The following GLRA3 variants were observed in gnomAD, a reference collection of about 807,000 sequenced individuals.
GLRA3 encodes the protein glycine receptor subunit alpha-3.
GLRA3 carries 44 observed loss-of-function variants against 60.4 expected under a neutral mutation model. That is an observed-to-expected ratio of 0.73 (90% confidence interval 0.57 to 0.94). GLRA3 has a LOEUF of 0.94. GLRA3 is among the 40% of genes least tolerant of loss of function. The pLI, the probability that GLRA3 is intolerant of heterozygous loss-of-function variation, is 0.00. For synonymous variants in GLRA3, 223 were observed against 192.9 expected, an observed-to-expected ratio of 1.16 and a Z score of -1.29; for missense variants, 508 against 564.6, an observed-to-expected ratio of 0.90 and a Z score of 1.02.
intron 5 of GLRA3, among the ~76,000 whole-genome samples, chr4:174,711,554 C>T (rs1735720771): frequency 6.6e-6 from 1 of 151,854 alleles, no homozygotes; most frequent in African/African-American, 2.4e-5. Flanking sequence ...ATTCTCCAGC[C>T]TCAGCCACCC....
At chr4:174,689,273 T>C (rs1218322461) in intron 5 of GLRA3, among the ~76,000 whole-genome samples, 1 of 152,226 alleles carries the variant, frequency 6.6e-6, no homozygotes, top group East Asian at 1.9e-4. Flanking sequence ...TAAGTATGTA[T>C]ACACATCTAA....
At position 174,716,003 on chromosome 4, in the gene GLRA3, C is replaced by T. The variant is rs185161774; in HGVS notation, c.492-433G>A. On this transcript the variant is annotated intron_variant, in intron 4 of 9. Coordinates refer to ENST00000274093, the MANE Select transcript of GLRA3 (RefSeq NM_006529.4). ...TGGATCCTATAAAATTAATGCCAAA[C>T]GTCAAAAGGTATCTTTCCTTGCAAA... is the stretch of plus-strand genomic sequence containing the variant. 7.2e-5 allele frequency among the ~76,000 whole-genome samples: 11 copies of T among 152,180 alleles called. No homozygotes were observed. In the South Asian group the frequency reaches 8.3e-4, roughly 11 times the overall value.
rs543752322 is a variant in GLRA3, at chr4:174,785,034, G to T, written c.199+3782C>A. Reference sequence around the variant, plus strand: ...TTGATTTAAATAATGTTCGATGGAAGAGGCTGTCTTATCCATGGTCAATAC... The same window carrying T: ...TTGATTTAAATAATGTTCGATGGAATAGGCTGTCTTATCCATGGTCAATAC... On this transcript the variant is annotated intron_variant, in intron 2 of 9. Transcript: ENST00000274093. Among the ~76,000 whole-genome samples, 3 of 152,254 alleles carry T rather than the reference G, an allele frequency of 2.0e-5. No individual in the cohort carries two copies. The East Asian group carries it at 5.8e-4, about 29-fold the overall frequency.
rs572803518 is a variant in GLRA3 at position 174,719,591 on chromosome 4, A to C, written c.492-4021T>G. Among the ~76,000 whole-genome samples the C allele has an allele frequency of 1.5e-3, 236 of 152,304 alleles. 1 individual carries two copies. Among genetic ancestry groups the C allele is most frequent in the African/African-American group, 5.5e-3 (227 of 41,570 alleles). On this transcript the variant is annotated intron_variant, in intron 4 of 9. Transcript: ENST00000274093. ...TTGAATGATTTGGTATATGATTATG[A>C]ATGATTTTCTAAGGGGTAAATCACT...
At chr4:174,751,053 G>C (rs572114486) in intron 3 of GLRA3, among the ~76,000 whole-genome samples, 135 of 96,490 alleles carry the variant, frequency 1.4e-3, no homozygotes, top group African/African-American at 4.7e-3. Context: ...AGAGAAGCCT[G>C]TCTGTCTGTC....
At chr4:174,725,197 G>A (rs1426027320) in intron 4 of GLRA3, among the ~76,000 whole-genome samples, 1 of 152,132 alleles carries the variant, frequency 6.6e-6, no homozygotes, top group African/African-American at 2.4e-5. Context: ...AGGCCCCACG[G>A]CCAATCTATT....
At position 174,740,931 on chromosome 4, in the gene GLRA3, C is replaced by T. The variant is rs1303749134; in HGVS notation, c.268-12233G>A. Among the ~76,000 whole-genome samples the T allele has an allele frequency of 2.0e-5, 3 of 152,156 alleles. No homozygotes were observed. In the East Asian group the frequency reaches 5.8e-4, roughly 29 times the overall value. On this transcript the variant is annotated intron_variant, in intron 3 of 9. Coordinates refer to ENST00000274093, the MANE Select transcript of GLRA3 (RefSeq NM_006529.4). ...TGTATCAGTTTATTCCTCCTAATTG[C>T]TGAGTTGCATTCAATTGTACGGGCG...
chr4:174,696,070 A>G (rs1474504771), intron 5 of GLRA3, among the ~76,000 whole-genome samples: 1 of 152,112 alleles, frequency 6.6e-6, no homozygotes, highest in Non-Finnish European at 1.5e-5. Flanking sequence ...GACAATTACA[A>G]AACACTCCTT....
Position 174,721,048 on chromosome 4 carries a change from A to G in GLRA3, c.492-5478T>C, listed in dbSNP as rs1043904044. Among the ~76,000 whole-genome samples the G allele has an allele frequency of 4.5e-5, 6 of 133,066 alleles. No homozygotes were observed. The Admixed American group carries it at 4.6e-4, about 10-fold the overall frequency. The allele number at this position is 133,066 out of a possible 152,430, so 87.3% of individuals were successfully genotyped here. A position where few individuals can be genotyped will look rare whatever the true frequency, so the allele number is the denominator to read the frequency against. ...GTGTGTGTGTGTGTGTGTGTTTTTG[A>G]GATGGAGTCTTGCTCTGTCATCAGG... On this transcript the variant is annotated intron_variant, in intron 4 of 9. Transcript: ENST00000274093.
chr4:174,710,598 C>T (rs1407932552), intron 5 of GLRA3, among the ~76,000 whole-genome samples: 1 of 152,074 alleles, frequency 6.6e-6, no homozygotes, highest in Non-Finnish European at 1.5e-5. Context: ...AAAGTTAGCT[C>T]TTTACGCGGA....
chr4:174,701,382 T>A (rs1444635325), intron 5 of GLRA3, among the ~76,000 whole-genome samples: 1 of 152,152 alleles, frequency 6.6e-6, no homozygotes, highest in African/African-American at 2.4e-5. Flanking sequence ...AATAAAAGAT[T>A]CCTTTCAAAA....
chr4:174,766,827 T>C, intron 3 of GLRA3, 136 bp downstream of exon 3: 1 of 530,620 alleles, frequency 1.9e-6, no homozygotes, highest in African/African-American at 1.9e-5. Flanking sequence ...CAGGTGACTG[T>C]AATTTAATTA....
At chr4:174,667,974 C>T (rs774270026) in intron 7 of GLRA3, among the ~76,000 whole-genome samples, 2 of 152,038 alleles carry the variant, frequency 1.3e-5, no homozygotes, top group Non-Finnish European at 2.9e-5. Context: ...GTAGTTCCAT[C>T]GTGGGGTTGG....
At chr4:174,756,478 T>C (rs563031445) in intron 3 of GLRA3, among the ~76,000 whole-genome samples, 2 of 152,154 alleles carry the variant, frequency 1.3e-5, no homozygotes, top group Non-Finnish European at 2.9e-5. Flanking sequence ...ATTAATAATA[T>C]TAACAGAGTG....
chr4:174,793,416 T>TTACA (rs1335556720), intron 1 of GLRA3, among the ~76,000 whole-genome samples: 18 of 143,666 alleles, frequency 1.3e-4, no homozygotes, highest in Admixed American at 9.8e-4. Flanking sequence ...ATGTCAAAAT[T>TTACA]TACATTCATT....
At chr4:174,733,519 T>C (rs576929270) in intron 3 of GLRA3, among the ~76,000 whole-genome samples, 10 of 151,988 alleles carry the variant, frequency 6.6e-5, no homozygotes, top group African/African-American at 2.4e-4. Flanking sequence ...CTCAGAACCT[T>C]CCCCCCTCTA....
At chr4:174,718,400 G>A (rs966315626) in intron 4 of GLRA3, among the ~76,000 whole-genome samples, 8 of 152,152 alleles carry the variant, frequency 5.3e-5, no homozygotes, top group Admixed American at 4.6e-4. Flanking sequence ...AGGATATGGC[G>A]TTTCTTCTTT....
chr4:174,712,989 C>T (rs1735775933), intron 5 of GLRA3, among the ~76,000 whole-genome samples: 1 of 146,286 alleles, frequency 6.8e-6, no homozygotes, highest in African/African-American at 2.5e-5. Flanking sequence ...TAGTATATTA[C>T]ATGTGAGTGT....
Position 174,640,052 on chromosome 4 carries a change from G to C in GLRA3, c.*3734C>G, listed in dbSNP as rs1034797362. 58 of 152,002 alleles carry C rather than the reference G, an allele frequency of 3.8e-4. No individual in the cohort carries two copies. Among genetic ancestry groups the C allele is most frequent in the African/African-American group, 1.3e-3 (55 of 41,418 alleles). 9.4% of individuals were successfully genotyped at this position (152,002 alleles called of 1,614,324 possible). On this transcript the variant is annotated 3_prime_UTR_variant, in exon 10 of 10. Coordinates refer to ENST00000274093, the MANE Select transcript of GLRA3 (RefSeq NM_006529.4). ...TATTTGGAATGGCTTGCTTTTCTTTGCTAGTTCAATATTAACTAGATGAAA... is the reference window on the plus strand; with the variant it reads ...TATTTGGAATGGCTTGCTTTTCTTTCCTAGTTCAATATTAACTAGATGAAA...
Sources: gnomAD v4.1 joint callset for allele counts (sites outside exome capture counted in the v4.1 genomes callset) on GRCh38, gnomAD v4.1.1 for gene constraint, MANE v1.5 for transcripts, NCBI Gene and HGNC (gene_info 2026-07-23, HGNC 2026-07-21) for gene names.